Variants in HEMK2 observed in about 807,000 individuals in gnomAD.
HEMK2 encodes HemK methyltransferase 2, ETF1 glutamine and histone H4 lysine.
At chr21:28,814,200 G>A in the HEMK2 span, among the ~76,000 whole-genome samples, 1 of 152,090 alleles carries the variant, frequency 6.6e-6, no homozygotes, top group Non-Finnish European at 1.5e-5. Context: ...TCATGCCACT[G>A]CACTCTAGCC....
At chr21:28,720,530 T>C in the HEMK2 span, among the ~76,000 whole-genome samples, 18 of 152,120 alleles carry the variant, frequency 1.2e-4, no homozygotes, top group Non-Finnish European at 1.6e-4. Context: ...GTCAGGAGTT[T>C]GAGACCAGCT....
chr21:28,844,247 C>T, the HEMK2 span, among the ~76,000 whole-genome samples: 93 of 152,102 alleles, frequency 6.1e-4, no homozygotes, highest in African/African-American at 2.1e-3. Flanking sequence ...TCAACAGTGG[C>T]TGATGGTCAT....
chr21:28,885,155 C>G, the HEMK2 span: 1 of 1,482,566 alleles, frequency 6.7e-7, no homozygotes. Flanking sequence ...CCTCCTCCAC[C>G]GCACTTCTTC....
chr21:28,609,092 G>A, the HEMK2 span, among the ~76,000 whole-genome samples: 1 of 152,114 alleles, frequency 6.6e-6, no homozygotes, highest in Non-Finnish European at 1.5e-5. Context: ...CTCCTGGCTG[G>A]AGGCCAACCA....
At chr21:28,698,432 T>C in the HEMK2 span, among the ~76,000 whole-genome samples, 2 of 152,216 alleles carry the variant, frequency 1.3e-5, no homozygotes, top group Non-Finnish European at 2.9e-5. Context: ...TAGTGCTTAC[T>C]GACATTATAA....
At chr21:28,765,488 T>C in the HEMK2 span, among the ~76,000 whole-genome samples, 11 of 152,266 alleles carry the variant, frequency 7.2e-5, no homozygotes, top group African/African-American at 2.2e-4. Flanking sequence ...AACTATAATC[T>C]TGTATTGACT....
At chr21:28,788,166 A>G in the HEMK2 span, among the ~76,000 whole-genome samples, 3 of 150,206 alleles carry the variant, frequency 2.0e-5, no homozygotes, top group African/African-American at 7.3e-5. Flanking sequence ...ATACATATAT[A>G]CTCCATCATA....
the HEMK2 span, among the ~76,000 whole-genome samples, chr21:28,822,040 A>G: frequency 1.3e-5 from 2 of 152,220 alleles, no homozygotes; most frequent in Non-Finnish European, 2.9e-5. Context: ...ATGGACAAAC[A>G]ACTGCAAAGA....
chr21:28,653,106 C>T, the HEMK2 span, among the ~76,000 whole-genome samples: 1 of 152,114 alleles, frequency 6.6e-6, no homozygotes, highest in African/African-American at 2.4e-5. Flanking sequence ...TCTCGGCACA[C>T]TTCATGTGAG....
chr21:28,720,301 G>A, the HEMK2 span, among the ~76,000 whole-genome samples: 1 of 152,318 alleles, frequency 6.6e-6, no homozygotes, highest in Admixed American at 6.5e-5. Flanking sequence ...TAGGAGCAAT[G>A]GTTCAGTATT....
chr21:28,663,962 T>C, the HEMK2 span, among the ~76,000 whole-genome samples: 47 of 152,218 alleles, frequency 3.1e-4, no homozygotes, highest in Admixed American at 1.0e-3. Flanking sequence ...AACACCGATG[T>C]ATATACATAC....
chr21:28,872,526 G>A, the HEMK2 span: 1 of 152,364 alleles, frequency 6.6e-6, no homozygotes, highest in Admixed American at 6.5e-5. Context: ...GCCTAGGCTT[G>A]TGCCTGTCAC....
At chr21:28,860,456 AATATAT>A in the HEMK2 span, among the ~76,000 whole-genome samples, 1 of 148,680 alleles carries the variant, frequency 6.7e-6, no homozygotes, top group Non-Finnish European at 1.5e-5. Context: ...ATATATACAA[AATATAT>A]ATATATAACA....
At chr21:28,595,413 A>G in the HEMK2 span, among the ~76,000 whole-genome samples, 2 of 152,124 alleles carry the variant, frequency 1.3e-5, no homozygotes, top group African/African-American at 2.4e-5. Context: ...AGGTCCCACA[A>G]ATAAATGAGA....
chr21:28,813,091 G>A, the HEMK2 span, among the ~76,000 whole-genome samples: 5 of 152,170 alleles, frequency 3.3e-5, no homozygotes, highest in African/African-American at 9.7e-5. Flanking sequence ...AGTATTGGAA[G>A]TTCCAGCCAG....
the HEMK2 span, among the ~76,000 whole-genome samples, chr21:28,862,655 AAAAG>A: frequency 6.6e-6 from 1 of 152,106 alleles, no homozygotes. Context: ...CAAAAAAAAA[AAAAG>A]AAAGTAGTCA....
At chr21:28,831,511 GAAAGAAAGAAA>G in the HEMK2 span, among the ~76,000 whole-genome samples, 1 of 89,836 alleles carries the variant, frequency 1.1e-5, no homozygotes, top group African/African-American at 5.1e-5. Flanking sequence ...AAGAAAGAAA[GAAAGAAAGAAA>G]GAAGGAAAGA....
At chr21:28,768,434 G>T in the HEMK2 span, among the ~76,000 whole-genome samples, 1 of 152,164 alleles carries the variant, frequency 6.6e-6, no homozygotes, top group Admixed American at 6.5e-5. Flanking sequence ...AGGATTTCCT[G>T]TGAGTGTTCC....
the HEMK2 span, chr21:28,743,285 T>C: frequency 1.3e-5 from 2 of 152,096 alleles, no homozygotes; most frequent in Non-Finnish European, 2.9e-5. Flanking sequence ...AAGTGTTCCG[T>C]GTTTTAAAAA....
Sources: gnomAD v4.1 joint callset for allele counts (sites outside exome capture counted in the v4.1 genomes callset) on GRCh38, gnomAD v4.1.1 for gene constraint, MANE v1.5 for transcripts, NCBI Gene and HGNC (gene_info 2026-07-23, HGNC 2026-07-21) for gene names.